The following SIPA1L1 variants were observed in gnomAD, a reference collection of about 807,000 sequenced individuals.
The protein encoded by SIPA1L1 is signal induced proliferation associated 1 like 1, also known as signal-induced proliferation-associated 1-like protein 1.
Under a neutral mutation model 162.7 loss-of-function variants are expected in SIPA1L1, and 26 were observed. The observed-to-expected ratio is 0.16, with a 90% CI of 0.12 to 0.22. SIPA1L1 has a LOEUF of 0.22. SIPA1L1 is among the 10% of genes least tolerant of loss of function. The pLI, the probability that SIPA1L1 is intolerant of heterozygous loss-of-function variation, is 1.00. For synonymous variants in SIPA1L1, 829 were observed against 837.4 expected (o/e 0.99, Z 0.17); for missense variants, 1,874 against 2,241.0 (o/e 0.84, Z 3.31).
At chr14:71,596,837 C>T (rs1423788575) in intron 5 of SIPA1L1, among the ~76,000 whole-genome samples, 7 of 152,086 alleles carry the variant, frequency 4.6e-5, no homozygotes, top group African/African-American at 1.7e-4. Flanking sequence ...TTTGTAATTT[C>T]AATTTCTTTT....
At chr14:71,521,721 A>G (rs2052373806) in intron 3 of SIPA1L1, among the ~76,000 whole-genome samples, 1 of 152,168 alleles carries the variant, frequency 6.6e-6, no homozygotes, top group African/African-American at 2.4e-5. Flanking sequence ...CCTATGTTCA[A>G]CTTTAATAGA....
At position 71,507,178 on chromosome 14, in the gene SIPA1L1, A is replaced by G. The variant is rs141243129; in HGVS notation, c.-464-5565A>G. ...ATAAAAATTTAGAGGAAAACTTGGT[A>G]ACTTTTTCACTTTATTAACTGATCA... On this transcript the variant is annotated intron_variant, in intron 2 of 23. Transcript: ENST00000381232. Among the ~76,000 whole-genome samples the G allele has an allele frequency of 3.7e-4, 56 of 152,294 alleles. No homozygotes were observed. In the East Asian group the frequency reaches 0.01, roughly 27 times the overall value.
At chr14:71,623,110 T>C (rs764015840) in intron 6 of SIPA1L1, among the ~76,000 whole-genome samples, 1 of 152,226 alleles carries the variant, frequency 6.6e-6, no homozygotes, top group African/African-American at 2.4e-5. Flanking sequence ...TTCTCTGCCT[T>C]TGGACTGTCT....
chr14:71,526,729 G>GA lies in SIPA1L1; in HGVS notation c.-361-2573dup, dbSNP rs887698490. ...ATTTACTATTTGGCCCTTTACAGGAGAAAAAAAAAATCCTGATTCCTGCTC... is the reference window on the plus strand; with the variant it reads ...ATTTACTATTTGGCCCTTTACAGGAGAAAAAAAAAAATCCTGATTCCTGCTC... On this transcript the variant is annotated intron_variant, in intron 3 of 23. Transcript: ENST00000381232. Among the ~76,000 whole-genome samples the GA allele has an allele frequency of 5.5e-4, 82 of 149,230 alleles. No individual in the cohort carries two copies. The South Asian group carries it at 6.1e-3, about 11-fold the overall frequency.
chr14:71,364,806 T>G (rs1402099930), intron 2 of SIPA1L1, among the ~76,000 whole-genome samples: 1 of 151,826 alleles, frequency 6.6e-6, no homozygotes, highest in African/African-American at 2.4e-5. Flanking sequence ...AGTGCAGTAG[T>G]GCGATCTTGG....
Position 71,671,621 on chromosome 14 carries a change from C to T in SIPA1L1, c.2758C>T (p.Arg920Ter). The change falls in exon 11 of 24, where the codon CGA becomes TGA. Residue 920 changes from arginine (R) to a stop codon, truncating the protein, a stop_gained. Coordinates refer to ENST00000381232, the MANE Select transcript of SIPA1L1 (RefSeq NM_001386936.1). LOFTEE classifies it high-confidence loss of function. The stretch of plus-strand genomic sequence containing the variant: ...CACCAGCCTCAAAATCTTCTATGAA[C>T]GAGGAGAATGTGTTTCAGTGGGTAG... ...TDTSLKIFYE[R>*]GECVSVGSFI... The T allele has an allele frequency of 6.2e-7, 1 of 1,614,018 alleles. No individual in the cohort carries two copies. Among genetic ancestry groups the T allele is most frequent in the Non-Finnish European group, 8.5e-7 (1 of 1,179,956 alleles).
intron 2 of SIPA1L1, among the ~76,000 whole-genome samples, chr14:71,451,632 CAA>C (rs762968378): frequency 2.2e-4 from 12 of 54,378 alleles, no homozygotes; most frequent in Admixed American, 4.1e-4. Context: ...GACCTTGTCT[CAA>C]AAAAAAAAAA....
intron 11 of SIPA1L1, 36 bp from the exon 12 acceptor site, chr14:71,672,312 G>T (rs1275245263): frequency 6.2e-7 from 1 of 1,607,978 alleles, no homozygotes; most frequent in Non-Finnish European, 8.5e-7. Flanking sequence ...ATACCCTATT[G>T]CTTTAAACCA....
chr14:71,468,545 G>C (rs1486260447), intron 2 of SIPA1L1, among the ~76,000 whole-genome samples: 1 of 152,106 alleles, frequency 6.6e-6, no homozygotes, highest in Admixed American at 6.5e-5. Context: ...CTCACTCCAA[G>C]GGGATGGTTT....
intron 5 of SIPA1L1, among the ~76,000 whole-genome samples, chr14:71,609,138 C>T (rs1378713269): frequency 6.6e-6 from 1 of 152,036 alleles, no homozygotes; most frequent in Non-Finnish European, 1.5e-5. Flanking sequence ...TAAAGTTTTT[C>T]AGCTGTTTTT....
Position 71,480,114 on chromosome 14 carries a change from G to C in SIPA1L1, c.-464-32629G>C, listed in dbSNP as rs541084178. ...GTTTTTTTTTTTGAGACGGAGTCTT[G>C]CTCTGTTGCCCAGGCTGGAGTGCAG... On this transcript the variant is annotated intron_variant, in intron 2 of 23. Coordinates refer to ENST00000381232, the MANE Select transcript of SIPA1L1 (RefSeq NM_001386936.1). Among the ~76,000 whole-genome samples the C allele has an allele frequency of 2.7e-5, 4 of 148,484 alleles. No homozygotes were observed. In the East Asian group the frequency reaches 8.1e-4, roughly 30 times the overall value.
At position 71,658,439 on chromosome 14, in the gene SIPA1L1, A is replaced by G. The variant is rs750940872; in HGVS notation, c.2097+3A>G. 9.9e-6 allele frequency: 15 copies of G among 1,508,580 alleles called. No homozygotes were observed. Among genetic ancestry groups the G allele is most frequent in the African/African-American group, 2.7e-5 (2 of 72,952 alleles). The allele number at this position is 1,508,580 out of a possible 1,614,324, so 93.4% of individuals were successfully genotyped here. On this transcript the variant is annotated splice_donor_region_variant and intron_variant, in intron 9 of 23. Coordinates refer to ENST00000381232, the MANE Select transcript of SIPA1L1 (RefSeq NM_001386936.1). ...ACACACCCAACAACAAACAACAGGT[A>G]AGAGATCCTCCTGTTATCTGTGTTT...
At chr14:71,544,872 T>G (rs1296960035) in intron 4 of SIPA1L1, among the ~76,000 whole-genome samples, 5 of 152,222 alleles carry the variant, frequency 3.3e-5, no homozygotes, top group Admixed American at 6.5e-5. Context: ...GTAATTAAGT[T>G]CTCTAACTTT....
rs929072818 is a variant in SIPA1L1, at chr14:71,621,362, C to T, written c.1629+2475C>T. 3.3e-5 allele frequency among the ~76,000 whole-genome samples: 5 copies of T among 152,284 alleles called. No homozygotes were observed. The South Asian group carries it at 6.2e-4, about 19-fold the overall frequency. On this transcript the variant is annotated intron_variant, in intron 6 of 23. Transcript: ENST00000381232. ...CTTCTGTTTCCCGGTTATCTCTCTG[C>T]GCCTCATCCCTGATAACTCCTCCTG...
intron 2 of SIPA1L1, among the ~76,000 whole-genome samples, chr14:71,430,330 A>C (rs1417319157): frequency 1.3e-5 from 2 of 152,212 alleles, no homozygotes; most frequent in Non-Finnish European, 2.9e-5. Context: ...AAAAACTGTA[A>C]TACTTATTTT....
intron 16 of SIPA1L1, among the ~76,000 whole-genome samples, chr14:71,708,025 T>TTTG (rs2082592223): frequency 7.9e-6 from 1 of 126,324 alleles, no homozygotes; most frequent in African/African-American, 3.2e-5. Flanking sequence ...GTTTTTTTTT[T>TTTG]TTTGTTTTTT....
intron 2 of SIPA1L1, among the ~76,000 whole-genome samples, chr14:71,511,673 TAA>T (rs2051164643): frequency 6.6e-6 from 1 of 152,176 alleles, no homozygotes; most frequent in Non-Finnish European, 1.5e-5. Flanking sequence ...TCAGGAGTGA[TAA>T]GAGTGTCTTT....
chr14:71,480,488 A>G (rs955205247), intron 2 of SIPA1L1, among the ~76,000 whole-genome samples: 2 of 150,146 alleles, frequency 1.3e-5, no homozygotes, highest in African/African-American at 4.9e-5. Context: ...TCAGCCGTGC[A>G]CAGTGGCTCA....
At chr14:71,464,724 C>G (rs778491304) in intron 2 of SIPA1L1, among the ~76,000 whole-genome samples, 3 of 152,188 alleles carry the variant, frequency 2.0e-5, no homozygotes, top group Non-Finnish European at 4.4e-5. Context: ...CTTGATCCAA[C>G]TCTATGTTCC....
Sources: allele counts gnomAD v4.1 joint callset (sites outside exome capture counted in the v4.1 genomes callset), GRCh38; gene constraint gnomAD v4.1.1; transcripts MANE v1.5; gene names NCBI Gene and HGNC (gene_info 2026-07-23, HGNC 2026-07-21).